The following EPHA6 variants were observed in gnomAD, a reference collection of about 807,000 sequenced individuals.
EPHA6 encodes ephrin type-A receptor 6.
In EPHA6, 50 loss-of-function variants were observed where a neutral mutation model predicts 112.0. That is an observed-to-expected ratio of 0.45 (90% CI 0.36 to 0.56). The LOEUF is 0.56. Ranked by LOEUF, EPHA6 falls within the 20% of genes least tolerant of loss-of-function variation. EPHA6 has a pLI of 0.00. For missense variants in EPHA6, 1,280 were observed against 1,417.4 expected (o/e 0.90, Z 1.56); for synonymous variants, 529 against 490.7 (o/e 1.08, Z -1.03).
intron 3 of EPHA6, among the ~76,000 whole-genome samples, chr3:97,101,526 T>A (rs1559729100): frequency 6.6e-6 from 1 of 152,010 alleles, no homozygotes; most frequent in Admixed American, 6.6e-5. Context: ...GTGTGTCTCC[T>A]CTAAATGCCC....
At chr3:97,542,800 G>A (rs1030492385) in intron 11 of EPHA6, among the ~76,000 whole-genome samples, 1 of 152,212 alleles carries the variant, frequency 6.6e-6, no homozygotes, top group African/African-American at 2.4e-5. Flanking sequence ...ACTGGTGTGA[G>A]ATGGTATCCC....
chr3:96,825,360 C>T (rs573413402), intron 1 of EPHA6, among the ~76,000 whole-genome samples: 49 of 151,022 alleles, frequency 3.2e-4, no homozygotes, highest in African/African-American at 1.2e-3. Context: ...CTAAATTTTA[C>T]TAGATTCTGT....
chr3:97,290,814 CT>C (rs796682526), intron 5 of EPHA6, among the ~76,000 whole-genome samples: 31 of 147,922 alleles, frequency 2.1e-4, no homozygotes, highest in South Asian at 2.1e-4. Context: ...TTTTGCTCAT[CT>C]TTTTTTTTTA....
intron 2 of EPHA6, among the ~76,000 whole-genome samples, chr3:96,936,461 A>T (rs977209532): frequency 1.3e-5 from 2 of 152,010 alleles, no homozygotes; most frequent in African/African-American, 2.4e-5. Flanking sequence ...TAAAATTTAT[A>T]TCAAACTTTT....
intron 4 of EPHA6, among the ~76,000 whole-genome samples, chr3:97,228,459 C>T (rs1352801523): frequency 1.3e-5 from 2 of 151,974 alleles, no homozygotes; most frequent in Non-Finnish European, 2.9e-5. Flanking sequence ...ATAATGGTCT[C>T]CAACTCCAGG....
Position 97,752,555 on chromosome 3 carries a change from G to T in EPHA6, c.*3854G>T. 4.6e-6 allele frequency: 1 copy of T among 217,766 alleles called. No homozygotes were observed. The highest frequency in any genetic ancestry group is 9.2e-6 in the Non-Finnish European group (1 of 108,214). 13.5% of individuals were successfully genotyped at this position (217,766 alleles called of 1,614,324 possible). On this transcript the variant is annotated 3_prime_UTR_variant, in exon 18 of 18. Coordinates refer to ENST00000389672, the MANE Select transcript of EPHA6 (RefSeq NM_001080448.3). The stretch of plus-strand genomic sequence containing the variant: ...TATCTCAATCAGCATAAAAAAGGTA[G>T]CACAACAAATCTAAAAAGATTGTAT...
At chr3:97,708,766 T>C (rs1286719178) in intron 14 of EPHA6, among the ~76,000 whole-genome samples, 1 of 152,216 alleles carries the variant, frequency 6.6e-6, no homozygotes, top group East Asian at 1.9e-4. Flanking sequence ...GAGGACTTGG[T>C]GCCCAGTGTC....
At chr3:97,291,969 G>A (rs2080699892) in intron 5 of EPHA6, among the ~76,000 whole-genome samples, 1 of 152,218 alleles carries the variant, frequency 6.6e-6, no homozygotes, top group Non-Finnish European at 1.5e-5. Flanking sequence ...TACCTGCCAA[G>A]GGCAAGCCAG....
chr3:96,973,597 G>A (rs938695464), intron 2 of EPHA6, among the ~76,000 whole-genome samples: 1 of 151,584 alleles, frequency 6.6e-6, no homozygotes, highest in Non-Finnish European at 1.5e-5. Context: ...TGAGGGGGGC[G>A]GATTGCCTGA....
At chr3:97,668,080 G>T (rs1444759522) in intron 14 of EPHA6, among the ~76,000 whole-genome samples, 1 of 151,986 alleles carries the variant, frequency 6.6e-6, no homozygotes, top group East Asian at 1.9e-4. Context: ...TTTTGGAATT[G>T]GTCTATGACA....
At chr3:96,980,684 G>A (rs2042730742) in intron 2 of EPHA6, among the ~76,000 whole-genome samples, 1 of 152,144 alleles carries the variant, frequency 6.6e-6, no homozygotes. Flanking sequence ...CTACCCATGA[G>A]CATGGAATGT....
At chr3:97,352,272 C>T (rs2083852355) in intron 5 of EPHA6, among the ~76,000 whole-genome samples, 1 of 151,764 alleles carries the variant, frequency 6.6e-6, no homozygotes, top group Non-Finnish European at 1.5e-5. Context: ...GCAGTAGTTC[C>T]CCCAACAGGA....
intron 5 of EPHA6, chr3:97,244,661 C>T (rs573334994): frequency 3.6e-4 from 98 of 275,118 alleles, no homozygotes; most frequent in Non-Finnish European, 5.3e-4. Flanking sequence ...ATCCTTTTTG[C>T]ATGTCAAATA....
At chr3:97,318,329 A>G (rs767824490) in intron 5 of EPHA6, among the ~76,000 whole-genome samples, 1 of 152,078 alleles carries the variant, frequency 6.6e-6, no homozygotes, top group Non-Finnish European at 1.5e-5. Context: ...AAAATCATCT[A>G]GCAATGTAAA....
At chr3:97,461,957 C>T (rs2090903455) in intron 7 of EPHA6, among the ~76,000 whole-genome samples, 1 of 152,292 alleles carries the variant, frequency 6.6e-6, no homozygotes, top group South Asian at 2.1e-4. Context: ...ACTCTCTCTA[C>T]TGTTTCTATG....
chr3:97,460,464 G>A (rs1037520616), intron 7 of EPHA6, among the ~76,000 whole-genome samples: 7 of 152,190 alleles, frequency 4.6e-5, no homozygotes, highest in Admixed American at 3.3e-4. Context: ...AATCCCTGCT[G>A]TCCTGGAGCT....
At chr3:97,104,979 A>G (rs1350405186) in intron 3 of EPHA6, among the ~76,000 whole-genome samples, 1 of 151,752 alleles carries the variant, frequency 6.6e-6, no homozygotes, top group Non-Finnish European at 1.5e-5. Context: ...CTGTGGGGTC[A>G]GTGTTAACAT....
intron 2 of EPHA6, among the ~76,000 whole-genome samples, chr3:96,954,631 T>C (rs2041682052): frequency 6.6e-6 from 1 of 152,204 alleles, no homozygotes; most frequent in Admixed American, 6.5e-5. Context: ...GCTGTTTACC[T>C]AACCTCACTT....
intron 14 of EPHA6, among the ~76,000 whole-genome samples, chr3:97,686,923 C>T (rs1470294075): frequency 6.6e-6 from 1 of 152,168 alleles, no homozygotes; most frequent in Admixed American, 6.6e-5. Flanking sequence ...CAAAAAATAT[C>T]TCCCATATTT....
Sources: gnomAD v4.1 joint callset for allele counts (sites outside exome capture counted in the v4.1 genomes callset) on GRCh38, gnomAD v4.1.1 for gene constraint, MANE v1.5 for transcripts, NCBI Gene and HGNC (gene_info 2026-07-23, HGNC 2026-07-21) for gene names.